Variants in MACROD2 observed in about 807,000 individuals in gnomAD.
MACROD2 encodes ADP-ribose glycohydrolase MACROD2.
In MACROD2, 36 loss-of-function variants were observed where a neutral mutation model predicts 70.4. That is an observed-to-expected ratio of 0.51 (90% confidence interval 0.39 to 0.68). MACROD2 has a LOEUF of 0.68. Ranked by LOEUF, MACROD2 falls within the 30% of genes least tolerant of loss-of-function variation. MACROD2 has a pLI of 0.00. For synonymous variants in MACROD2, 172 were observed against 178.8 expected (o/e 0.96, Z 0.30); for missense variants, 496 against 538.4 (o/e 0.92, Z 0.78).
intron 5 of MACROD2, among the ~76,000 whole-genome samples, chr20:14,687,976 T>C (rs2071021561): frequency 6.6e-6 from 1 of 152,218 alleles, no homozygotes; most frequent in African/African-American, 2.4e-5. Context: ...ACATTGTGTG[T>C]GTTCATTTTC....
intron 4 of MACROD2, among the ~76,000 whole-genome samples, chr20:14,592,210 T>C (rs1981820049): frequency 6.6e-6 from 1 of 152,110 alleles, no homozygotes. Flanking sequence ...TCATGAAGGA[T>C]TTTTGAATGA....
intron 8 of MACROD2, among the ~76,000 whole-genome samples, chr20:15,569,851 G>GTA (rs973250527): frequency 5.9e-5 from 9 of 152,020 alleles, no homozygotes; most frequent in African/African-American, 1.7e-4. Context: ...GTATTCCATT[G>GTA]TATATATATA....
chr20:15,168,464 TG>T, intron 5 of MACROD2, among the ~76,000 whole-genome samples: 1 of 151,084 alleles, frequency 6.6e-6, no homozygotes, highest in Non-Finnish European at 1.5e-5. Context: ...TGTGTGTGTG[TG>T]TGTGTGTGTG....
chr20:14,011,890 C>G (rs746577072), intron 2 of MACROD2, among the ~76,000 whole-genome samples: 5 of 151,704 alleles, frequency 3.3e-5, no homozygotes, highest in Non-Finnish European at 7.4e-5. Context: ...TCAACAGTAG[C>G]TTTTTCTACT....
chr20:14,032,066 A>T (rs2053252010), intron 2 of MACROD2, among the ~76,000 whole-genome samples: 2 of 152,076 alleles, frequency 1.3e-5, no homozygotes, highest in Non-Finnish European at 2.9e-5. Flanking sequence ...GTATTTTGTT[A>T]GCTTTTAGTG....
intron 3 of MACROD2, among the ~76,000 whole-genome samples, chr20:14,366,280 A>G (rs1315563122): frequency 5.3e-5 from 8 of 151,338 alleles, no homozygotes; most frequent in Non-Finnish European, 1.2e-4. Context: ...TTGGTTCTCT[A>G]TTATTAGGTG....
intron 5 of MACROD2, among the ~76,000 whole-genome samples, chr20:15,091,265 G>A (rs1489408605): frequency 1.3e-5 from 2 of 151,640 alleles, no homozygotes; most frequent in African/African-American, 4.8e-5. Flanking sequence ...ATCTAGATTT[G>A]TTCCAAATCT....
At chr20:15,169,677 T>G (rs927462046) in intron 5 of MACROD2, among the ~76,000 whole-genome samples, 1 of 152,244 alleles carries the variant, frequency 6.6e-6, no homozygotes. Flanking sequence ...TTTAGTCATA[T>G]GTCCTGTTCC....
At chr20:15,349,539 G>C (rs948932761) in intron 6 of MACROD2, among the ~76,000 whole-genome samples, 1 of 151,974 alleles carries the variant, frequency 6.6e-6, no homozygotes, top group Admixed American at 6.6e-5. Flanking sequence ...GGTGGATCAC[G>C]AGGTCAGGAG....
intron 4 of MACROD2, among the ~76,000 whole-genome samples, chr20:14,558,492 A>G (rs922149122): frequency 2.0e-5 from 3 of 151,824 alleles, no homozygotes; most frequent in Non-Finnish European, 4.4e-5. Flanking sequence ...AAGTAAAAGC[A>G]TGGAAAAATA....
At chr20:14,980,117 GTCC>G (rs1339379656) in intron 5 of MACROD2, among the ~76,000 whole-genome samples, 1 of 152,056 alleles carries the variant, frequency 6.6e-6, no homozygotes, top group African/African-American at 2.4e-5. Context: ...TTGAATATTT[GTCC>G]TCCTAAAAAC....
chr20:15,653,436 A>G (rs2049677185), intron 8 of MACROD2, among the ~76,000 whole-genome samples: 1 of 152,220 alleles, frequency 6.6e-6, no homozygotes, highest in Non-Finnish European at 1.5e-5. Flanking sequence ...TTTTGGCTAT[A>G]TGCAAGATCA....
intron 5 of MACROD2, among the ~76,000 whole-genome samples, chr20:14,751,402 G>T (rs187168925): frequency 2.7e-4 from 41 of 151,856 alleles, no homozygotes; most frequent in African/African-American, 9.9e-4. Context: ...TCAAATCCAT[G>T]TGCTTCTTCC....
intron 5 of MACROD2, among the ~76,000 whole-genome samples, chr20:14,695,415 A>G (rs984264246): frequency 6.6e-6 from 1 of 152,218 alleles, no homozygotes; most frequent in African/African-American, 2.4e-5. Context: ...TCAAGGTCTC[A>G]AGATCCTTAA....
At chr20:15,579,489 T>C (rs1046760140) in intron 8 of MACROD2, among the ~76,000 whole-genome samples, 3 of 152,180 alleles carry the variant, frequency 2.0e-5, no homozygotes, top group Non-Finnish European at 4.4e-5. Context: ...TGAAATGAGC[T>C]AGGCACAGCA....
intron 10 of MACROD2, among the ~76,000 whole-genome samples, chr20:15,909,829 CAATTTTT>C (rs2065209373): frequency 6.6e-6 from 1 of 152,024 alleles, no homozygotes; most frequent in Admixed American, 6.5e-5. Flanking sequence ...GGCCGTAATA[CAATTTTT>C]GAGACCTTGT....
chr20:15,995,671 A>ATTTTTTTTTTTTTTTTTT (rs2066620884), intron 15 of MACROD2, among the ~76,000 whole-genome samples: 4 of 41,052 alleles, frequency 9.7e-5, no homozygotes, highest in Admixed American at 4.6e-4. Context: ...TTTTTTTTTA[A>ATTTTTTTTTTTTTTTTTT]CTTTTTAAGA....
chr20:15,037,121 G>A (rs2123015349), intron 5 of MACROD2, among the ~76,000 whole-genome samples: 1 of 152,162 alleles, frequency 6.6e-6, no homozygotes, highest in Admixed American at 6.5e-5. Flanking sequence ...AGTGTGCAGT[G>A]GTACTTATGC....
At chr20:14,616,018 T>C (rs1239665837) in intron 4 of MACROD2, among the ~76,000 whole-genome samples, 1 of 152,124 alleles carries the variant, frequency 6.6e-6, no homozygotes, top group Non-Finnish European at 1.5e-5. Context: ...GCAGTGGCTT[T>C]GATCCATTAT....
Sources: allele counts gnomAD v4.1 joint callset (sites outside exome capture counted in the v4.1 genomes callset), GRCh38; gene constraint gnomAD v4.1.1; transcripts MANE v1.5; gene names NCBI Gene and HGNC (gene_info 2026-07-23, HGNC 2026-07-21).